UNC119: variants seen among roughly 807,000 people sequenced by gnomAD.
The protein encoded by UNC119 is protein unc-119 homolog A.
Under a neutral mutation model 22.6 loss-of-function variants are expected in UNC119, and 15 were observed. The observed-to-expected ratio is 0.66, with a 90% CI of 0.44 to 1.02. The LOEUF is 1.02. UNC119 is among the 50% of genes least tolerant of loss of function. UNC119 has a pLI of 0.00. For synonymous variants in UNC119, 138 were observed against 139.4 expected (o/e 0.99, Z 0.07); for missense variants, 322 against 336.0 (o/e 0.96, Z 0.33).
intron 1 of UNC119, 144 bp from the exon 2 acceptor site, chr17:28,548,849 TG>T: frequency 1.5e-6 from 1 of 645,642 alleles, no homozygotes; most frequent in Non-Finnish European, 2.7e-6. Flanking sequence ...TCCCTGCCCT[TG>T]GGGTACACCC....
At chr17:28,547,522 CCT>C (rs2070220452) in intron 4 of UNC119, 113 bp from the exon 5 acceptor site, 1 of 1,584,506 alleles carries the variant, frequency 6.3e-7, no homozygotes, top group Non-Finnish European at 8.6e-7. Context: ...ATATCCCCAG[CCT>C]CTTTCTCTAC....
rs752943228 is a variant in UNC119, at chr17:28,548,084, G to A, written c.352C>T (p.Arg118Trp). The A allele has an allele frequency of 8.7e-6, 14 of 1,613,468 alleles. No individual in the cohort carries two copies. The highest frequency in any genetic ancestry group is 7.7e-5 in the South Asian group (7 of 91,066). ...PPVSERLPIN[R>W]RDLDPNAGRF... ...CCAGCATTGGGGTCCAGGTCCCGCC[G>A]GTTGATGGGCAACCGTTCTGCAATG... Residue 118 changes from arginine (R) to tryptophan (W), a missense_variant, in exon 3 of 5, where the codon CGG becomes TGG. Physicochemically the swap from Arg to Trp is moderately radical, Grantham distance 101 (BLOSUM62 -3). Transcript: ENST00000335765.
chr17:28,552,185 G>T, intron 1 of UNC119, 153 bp downstream of exon 1: 1 of 725,462 alleles, frequency 1.4e-6, no homozygotes, highest in Non-Finnish European at 2.4e-6. Flanking sequence ...CAGACCTGGC[G>T]GCAGAAGGGA....
chr17:28,547,339 C>T lies in UNC119; in HGVS notation c.681G>A (p.Val227=). ...DSFYFVDDRL[V]MHNKADYSYS... ...AGGAATAGTCTGCTTTATTGTGCAT[C>T]ACCAGCCGGTCATCCACGAAGTAGA... The change falls in exon 5 of 5, where the codon GTG becomes GTA. Residue 227 remains valine (V), a synonymous_variant. Transcript: ENST00000335765. 1 of 1,614,192 alleles carries T rather than the reference C, an allele frequency of 6.2e-7. No individual in the cohort carries two copies.
Position 28,552,585 on chromosome 17 carries a change from TGCTGCCGCC to T in UNC119, c.-37_-29del. On this transcript the variant is annotated 5_prime_UTR_variant, in exon 1 of 5. Transcript: ENST00000335765. ...CCTTGCGGGGCCGAGGCTCGCCTGCTGCTGCCGCCGCTGCCTGCGCCGGCTGGAGCCGGG... is the reference window on the plus strand; with the variant it reads ...CCTTGCGGGGCCGAGGCTCGCCTGCTGCTGCCTGCGCCGGCTGGAGCCGGG... 1 of 1,483,796 alleles carries T rather than the reference TGCTGCCGCC, an allele frequency of 6.7e-7. No homozygotes were observed. Among genetic ancestry groups the T allele is most frequent in the Non-Finnish European group, 8.9e-7 (1 of 1,123,998 alleles). 91.9% of individuals were successfully genotyped at this position (1,483,796 alleles called of 1,614,324 possible).
At position 28,547,238 on chromosome 17, in the gene UNC119, G is replaced by C; in HGVS notation, c.*59C>G. 2 of 1,599,908 alleles carry C rather than the reference G, an allele frequency of 1.3e-6. No individual in the cohort carries two copies. The highest frequency in any genetic ancestry group is 1.7e-6 in the Non-Finnish European group (2 of 1,169,814). On this transcript the variant is annotated 3_prime_UTR_variant, in exon 5 of 5. Transcript: ENST00000335765. ...ACTTGGGGTTGAGGGGTGAGCGTTG[G>C]GGAGGTCACAGCTCCCAGCCCAGAA...
rs1348833275 is a variant in UNC119, at chr17:28,547,644, C to A, written c.610+33G>T. On this transcript the variant is annotated intron_variant, in intron 4 of 4. Transcript: ENST00000335765. Reference sequence around the variant, plus strand: ...GCAGCTCAGTCTCTAGACGCCCCCACTTCCCCACTCCCAGAAGACCCTGCC... The same window carrying A: ...GCAGCTCAGTCTCTAGACGCCCCCAATTCCCCACTCCCAGAAGACCCTGCC... 10 of 1,614,166 alleles carry A rather than the reference C, an allele frequency of 6.2e-6. No homozygotes were observed. In the Middle Eastern group the frequency reaches 1.7e-3, roughly 267 times the overall value.
In UNC119 at chr17:28,547,202, CCAAG is replaced by C. The variant is rs1483624326; in HGVS notation, c.*91_*94del. 6.7e-7 allele frequency: 1 copy of C among 1,487,548 alleles called. No individual in the cohort carries two copies. The highest frequency in any genetic ancestry group is 1.4e-5 in the African/African-American group (1 of 72,042). The allele number at this position is 1,487,548 out of a possible 1,614,324, so 92.1% of individuals were successfully genotyped here. On this transcript the variant is annotated 3_prime_UTR_variant, in exon 5 of 5. Transcript: ENST00000335765. The stretch of plus-strand genomic sequence containing the variant: ...GGGTCCGGAGCTCCTGGAGAACTCC[CCAAG>C]CAGAGGACTTGGGGTTGAGGGGTGA...
At chr17:28,547,640 C>T (rs1025197633) in intron 4 of UNC119, 37 bp downstream of exon 4, 6 of 1,614,110 alleles carry the variant, frequency 3.7e-6, no homozygotes, top group Non-Finnish European at 5.1e-6. Flanking sequence ...TCTAGACGCC[C>T]CCACTTCCCC....
Position 28,547,129 on chromosome 17 carries a change from T to C in UNC119, c.*168A>G, listed in dbSNP as rs954778232. 9 of 816,104 alleles carry C rather than the reference T, an allele frequency of 1.1e-5. No individual in the cohort carries two copies. The African/African-American group carries it at 1.2e-4, about 11-fold the overall frequency. 50.6% of individuals were successfully genotyped at this position (816,104 alleles called of 1,614,324 possible). A position where few individuals can be genotyped will look rare whatever the true frequency, so the allele number is the denominator to read the frequency against. On this transcript the variant is annotated 3_prime_UTR_variant, in exon 5 of 5. Transcript: ENST00000335765. The stretch of plus-strand genomic sequence containing the variant: ...CATGTAGCAGGCCGCATGGGCTTCA[T>C]GGGCTTGACTGGGGACACCAGGTAC...
At chr17:28,549,662 G>C (rs2070249854) in intron 1 of UNC119, 1 of 153,082 alleles carries the variant, frequency 6.5e-6, no homozygotes, top group Non-Finnish European at 1.5e-5. Context: ...GCCAGGAGGA[G>C]GGTGTGGCAG....
In UNC119 at chr17:28,552,596, C is replaced by T; in HGVS notation, c.-39G>A. 6.8e-7 allele frequency: 1 copy of T among 1,475,072 alleles called. No homozygotes were observed. The highest frequency in any genetic ancestry group is 8.9e-7 in the Non-Finnish European group (1 of 1,118,848). The allele number at this position is 1,475,072 out of a possible 1,614,324, so 91.4% of individuals were successfully genotyped here. A position where few individuals can be genotyped will look rare whatever the true frequency, so the allele number is the denominator to read the frequency against. ...CGAGGCTCGCCTGCTGCTGCCGCCG[C>T]TGCCTGCGCCGGCTGGAGCCGGGGG... On this transcript the variant is annotated 5_prime_UTR_variant, in exon 1 of 5. Transcript: ENST00000335765.
chr17:28,547,800 C>A lies in UNC119; in HGVS notation c.487G>T (p.Glu163Ter), dbSNP rs930130211. Residue 163 changes from glutamate (E) to a stop codon, truncating the protein, a stop_gained, in exon 4 of 5, where the codon GAG becomes TAG. Transcript: ENST00000335765. LOFTEE classifies it high-confidence loss of function. ...AGCTGGTTGCGGAAGTAGTGCCTCT[C>A]GATCATGCGGAAGTTGTTGACAGGC... ...DKPVNNFRMI[E>*]RHYFRNQLLK... The A allele has an allele frequency of 8.1e-6, 13 of 1,614,034 alleles. No homozygotes were observed. Among genetic ancestry groups the A allele is most frequent in the Non-Finnish European group, 9.3e-6 (11 of 1,180,050 alleles).
rs765311171 is a variant in UNC119 at position 28,547,783 on chromosome 17, G to A, written c.504C>T (p.Arg168=). 1.1e-5 allele frequency: 17 copies of A among 1,614,198 alleles called. No individual in the cohort carries two copies. In the South Asian group the frequency reaches 1.8e-4, roughly 17 times the overall value. ...AGTCGAAGCTTTTGAGTAGCTGGTTGCGGAAGTAGTGCCTCTCGATCATGC... is the reference window on the plus strand; with the variant it reads ...AGTCGAAGCTTTTGAGTAGCTGGTTACGGAAGTAGTGCCTCTCGATCATGC... ...NFRMIERHYF[R]NQLLKSFDFH... Residue 168 remains arginine, a synonymous_variant, in exon 4 of 5, where the codon CGC becomes CGT. Coordinates refer to ENST00000335765, the MANE Select transcript of UNC119 (RefSeq NM_005148.4).
intron 1 of UNC119, chr17:28,550,313 G>C (rs2070257026): frequency 6.6e-6 from 1 of 152,320 alleles, no homozygotes; most frequent in African/African-American, 2.4e-5. Flanking sequence ...CCAGATCCCT[G>C]TAAGGCCTTC....
chr17:28,552,164 C>A, intron 1 of UNC119, 174 bp downstream of exon 1: 1 of 701,582 alleles, frequency 1.4e-6, no homozygotes. Context: ...GAAGGGGGTA[C>A]ACAGAGATCT....
chr17:28,548,747 C>T (rs201190229), intron 1 of UNC119, 42 bp from the exon 2 acceptor site: 347 of 1,532,244 alleles, frequency 2.3e-4, no homozygotes, highest in Non-Finnish European at 2.1e-4. Context: ...GGCCGCAAAG[C>T]CCCTGCTGCC....
At chr17:28,548,172 G>A in intron 2 of UNC119, 71 bp from the exon 3 acceptor site, 1 of 1,474,564 alleles carries the variant, frequency 6.8e-7, no homozygotes, top group Non-Finnish European at 9.2e-7. Flanking sequence ...TTCTACCCTT[G>A]GGTCCCCATC....
intron 4 of UNC119, 35 bp downstream of exon 4, chr17:28,547,642 C>A (rs146705818): frequency 9.4e-5 from 151 of 1,614,042 alleles, no homozygotes; most frequent in Non-Finnish European, 1.2e-4. Context: ...TAGACGCCCC[C>A]ACTTCCCCAC....
Sources: allele counts gnomAD v4.1 joint callset, GRCh38; gene constraint gnomAD v4.1.1; transcripts MANE v1.5; gene names NCBI Gene and HGNC (gene_info 2026-07-23, HGNC 2026-07-21).